The following PROSER3 variants were observed in gnomAD, a reference collection of about 807,000 sequenced individuals.
PROSER3 encodes proline and serine rich 3, also known as proline and serine-rich protein 3.
Under a neutral mutation model 50.2 loss-of-function variants are expected in PROSER3, and 33 were observed. That is an observed-to-expected ratio of 0.66 (90% CI 0.50 to 0.88). PROSER3 has a LOEUF of 0.88. Among genes scored for constraint, PROSER3 ranks in the 40% least tolerant of loss-of-function variants. The pLI is 0.00. For missense variants in PROSER3, 623 were observed against 612.7 expected (o/e 1.02, Z -0.18); for synonymous variants, 266 against 259.3 (o/e 1.03, Z -0.25).
chr19:35,767,044 G>C (rs753068094), intron 8 of PROSER3, 28 bp from the exon 9 acceptor site: 1 of 1,129,612 alleles, frequency 8.9e-7, no homozygotes, highest in Non-Finnish European at 1.2e-6. Flanking sequence ...CTCTCTCTCT[G>C]TCTCAGATCT....
chr19:35,759,886 G>T (rs1395614435), exon 3 of PROSER3: 1 of 1,592,896 alleles, frequency 6.3e-7, no homozygotes. Context: ...GAGGAGTCCT[G>T]GCCATCCAGT....
intron 5 of PROSER3, 123 bp from the exon 6 acceptor site, chr19:35,764,731 G>A (rs1971079169): frequency 1.2e-6 from 1 of 800,782 alleles, no homozygotes; most frequent in Non-Finnish European, 2.0e-6. Context: ...AGGAGGAGCA[G>A]ATCCTAAGCT....
At chr19:35,767,435 C>T (rs1332460941) in intron 8 of PROSER3, 1 of 297,188 alleles carries the variant, frequency 3.4e-6, no homozygotes, top group Non-Finnish European at 6.2e-6. Flanking sequence ...CACCCCGGCT[C>T]CCCTGGCCTG....
chr19:35,768,226 C>T (rs761458164), exon 10 of PROSER3: 15 of 1,612,538 alleles, frequency 9.3e-6, no homozygotes, highest in Non-Finnish European at 1.3e-5. Context: ...AGAGCTGAGT[C>T]GGCAGAAAAG....
chr19:35,759,693 C>T, intron 2 of PROSER3, 96 bp from the exon 3 acceptor site: 1 of 1,233,136 alleles, frequency 8.1e-7, no homozygotes, highest in Admixed American at 2.1e-5. Context: ...TGTTTCCTCC[C>T]CTCTGGACTG....
At chr19:35,761,714 T>C (rs950863802) in intron 3 of PROSER3, among the ~76,000 whole-genome samples, 8 of 151,946 alleles carry the variant, frequency 5.3e-5, no homozygotes, top group Non-Finnish European at 1.2e-4. Context: ...ATACAAAAAG[T>C]AGCCGAGTGT....
intron 5 of PROSER3, among the ~76,000 whole-genome samples, chr19:35,764,225 C>A (rs1971061284): frequency 6.6e-6 from 1 of 152,136 alleles, no homozygotes; most frequent in African/African-American, 2.4e-5. Context: ...CGAATTGCTC[C>A]ATCAGAAGCC....
chr19:35,767,983 G>A (rs950904831), exon 9 of PROSER3: 1 of 1,603,642 alleles, frequency 6.2e-7, no homozygotes, highest in Non-Finnish European at 8.5e-7. Context: ...CGGAGGCCCT[G>A]GCCCCGCCCC....
At chr19:35,764,886 C>A in exon 6 of PROSER3, 1 of 1,613,768 alleles carries the variant, frequency 6.2e-7, no homozygotes, top group Non-Finnish European at 8.5e-7. Context: ...CCCTGCTGGA[C>A]CTGGAGACGC....
chr19:35,760,013 G>A (rs762540908), intron 3 of PROSER3, 22 bp downstream of exon 3: 11 of 1,532,970 alleles, frequency 7.2e-6, no homozygotes, highest in South Asian at 1.2e-5. Context: ...CAGCCCTGGG[G>A]GAAAAAGAGG....
chr19:35,768,649 G>A lies in PROSER3; in HGVS notation c.*104G>A, dbSNP rs1416475246. 2.9e-6 allele frequency: 4 copies of A among 1,397,984 alleles called. No homozygotes were observed. The East Asian group carries it at 9.9e-5, about 34-fold the overall frequency. 86.6% of individuals were successfully genotyped at this position (1,397,984 alleles called of 1,614,324 possible). The stretch of plus-strand genomic sequence containing the variant: ...TTGTTTGGAAAGGCCAAGGGGTCAT[G>A]CCAATTTAAGGAAATGCCCCCCATC... On this transcript the variant is annotated 3_prime_UTR_variant, in exon 11 of 11. Coordinates refer to ENST00000396908, the Ensembl canonical transcript of PROSER3.
exon 11 of PROSER3, chr19:35,768,675 C>T: frequency 8.4e-7 from 1 of 1,187,894 alleles, no homozygotes; most frequent in Non-Finnish European, 1.1e-6. Context: ...GCCCCCCATC[C>T]TCCGCTGCCC....
Position 35,759,426 on chromosome 19 carries a change from C to T in PROSER3, c.64C>T (p.Arg22Ter), listed in dbSNP as rs573473407. 1 of 1,613,454 alleles carries T rather than the reference C, an allele frequency of 6.2e-7. No individual in the cohort carries two copies. Among genetic ancestry groups the T allele is most frequent in the Admixed American group, 1.7e-5 (1 of 59,952 alleles). Residue 22 changes from arginine to a stop codon, truncating the protein, a stop_gained, in exon 2 of 11, where the codon CGA (arginine) becomes TGA (stop). Coordinates refer to ENST00000396908, the Ensembl canonical transcript of PROSER3. LOFTEE classifies it high-confidence loss of function. Reference sequence around the variant, plus strand: ...TCCCTTTGGAGATGCGCCCCTGGGTCGAAGCCACTACTGGCCATCCCAGAG... The same window carrying T: ...TCCCTTTGGAGATGCGCCCCTGGGTTGAAGCCACTACTGGCCATCCCAGAG...
chr19:35,759,480 C>T lies in PROSER3; in HGVS notation c.108+10C>T, dbSNP rs1483580688. 3 of 1,607,036 alleles carry T rather than the reference C, an allele frequency of 1.9e-6. No individual in the cohort carries two copies. The highest frequency in any genetic ancestry group is 4.5e-5 in the East Asian group (2 of 44,764). ...GACCTGGTGTCCCAAGGTGAGGACACCCCTCAAAGAGTGCTGAGTGCCAGC... is the reference window on the plus strand; with the variant it reads ...GACCTGGTGTCCCAAGGTGAGGACATCCCTCAAAGAGTGCTGAGTGCCAGC... On this transcript the variant is annotated intron_variant, in intron 2 of 10. Coordinates refer to ENST00000396908, the Ensembl canonical transcript of PROSER3.
At chr19:35,760,200 T>G (rs1250129715) in intron 3 of PROSER3, among the ~76,000 whole-genome samples, 1 of 152,158 alleles carries the variant, frequency 6.6e-6, no homozygotes, top group Non-Finnish European at 1.5e-5. Flanking sequence ...GGCCTCAGTT[T>G]CTTTATCTCT....
At chr19:35,765,254 G>T in intron 7 of PROSER3, 78 bp downstream of exon 7, 1 of 1,449,658 alleles carries the variant, frequency 6.9e-7, no homozygotes. Context: ...ATGGGACTTT[G>T]GGCCTCTCTG....
At chr19:35,760,853 A>G (rs539524095) in intron 3 of PROSER3, among the ~76,000 whole-genome samples, 1 of 152,320 alleles carries the variant, frequency 6.6e-6, no homozygotes, top group South Asian at 2.1e-4. Context: ...TACTATATAT[A>G]ATGATCTCTA....
At chr19:35,767,789 C>T in intron 8 of PROSER3, 1 of 1,604,596 alleles carries the variant, frequency 6.2e-7, no homozygotes, top group Non-Finnish European at 8.5e-7. Flanking sequence ...ATCTGAATCC[C>T]AGTGTCGGGC....
rs765512025 is a variant in PROSER3 at position 35,768,018 on chromosome 19, C to A, written c.1172C>A (p.Ser391Ter). The change falls in exon 9 of 11, where the codon TCG becomes TAG. Residue 391 changes from serine (S) to a stop codon, truncating the protein, a stop_gained. Transcript: ENST00000396908. LOFTEE classifies it high-confidence loss of function. ...CCGCCCGCTGCTGACCACGCCCCCTCGGAGGCCCTGCTTGCCCAGGCCGCC... is the reference window on the plus strand; with the variant it reads ...CCGCCCGCTGCTGACCACGCCCCCTAGGAGGCCCTGCTTGCCCAGGCCGCC... 1 of 1,585,816 alleles carries A rather than the reference C, an allele frequency of 6.3e-7. No individual in the cohort carries two copies. Among genetic ancestry groups the A allele is most frequent in the African/African-American group, 1.3e-5 (1 of 74,482 alleles).
Sources: gnomAD v4.1 joint callset for allele counts (sites outside exome capture counted in the v4.1 genomes callset) on GRCh38, gnomAD v4.1.1 for gene constraint, MANE v1.5 for transcripts, NCBI Gene and HGNC (gene_info 2026-07-23, HGNC 2026-07-21) for gene names.